ZNF730: variants seen among roughly 807,000 people sequenced by gnomAD.
The protein encoded by ZNF730 is zinc finger protein 730, also known as putative zinc finger protein 730.
ZNF730 carries 12 observed loss-of-function variants against 12.6 expected under a neutral mutation model. That is an observed-to-expected ratio of 0.95 (90% CI 0.61 to 1.54). The LOEUF is 1.54. Ranked by LOEUF, ZNF730 falls within the 40% of genes most tolerant of loss-of-function variation. The probability of loss-of-function intolerance (pLI) is 0.00; values close to 1 mark genes in which losing one functional copy is unlikely to be tolerated. For synonymous variants in ZNF730, 194 were observed against 195.8 expected (o/e 0.99, Z 0.08); for missense variants, 643 against 583.5 (o/e 1.10, Z -1.05).
At chr19:23,087,465 TGA>T (rs1466743192) in intron 1 of ZNF730, among the ~76,000 whole-genome samples, 2 of 152,176 alleles carry the variant, frequency 1.3e-5, no homozygotes, top group Non-Finnish European at 2.9e-5. Context: ...TTTTGTATTC[TGA>T]GAGTTTGCCA....
chr19:23,086,727 C>T (rs905217070), intron 1 of ZNF730, among the ~76,000 whole-genome samples: 1 of 152,162 alleles, frequency 6.6e-6, no homozygotes, highest in Admixed American at 6.5e-5. Context: ...GTGATGCCTC[C>T]AGCTTTGCTA....
At chr19:23,111,415 A>C (rs1352341637) in intron 1 of ZNF730, among the ~76,000 whole-genome samples, 1 of 152,202 alleles carries the variant, frequency 6.6e-6, no homozygotes, top group African/African-American at 2.4e-5. Context: ...TTCAGTGATA[A>C]AGATACTTAT....
In ZNF730 at chr19:23,101,660, C is replaced by T. The variant is rs143423248; in HGVS notation, c.-94+26273C>T. Among the ~76,000 whole-genome samples the T allele has an allele frequency of 3.3e-3, 510 of 152,286 alleles. 3 individuals carry two copies. Among genetic ancestry groups the T allele is most frequent in the African/African-American group, 0.012 (492 of 41,560 alleles). ...TCTCCGCTCACTGCAACCTCTGCCT[C>T]CCAGGTTCAAGTGATTCTTCTGCCT... On this transcript the variant is annotated intron_variant, in intron 1 of 2. Coordinates refer to the ZNF730 transcript ENST00000593635.
At chr19:23,141,448 T>C (rs777097302) in intron 3 of ZNF730, among the ~76,000 whole-genome samples, 2 of 152,098 alleles carry the variant, frequency 1.3e-5, no homozygotes, top group Non-Finnish European at 2.9e-5. Flanking sequence ...GCACCTGTTA[T>C]CCCAGCTACT....
Position 23,147,016 on chromosome 19 carries a change from G to T in ZNF730, c.*460G>T. 1 of 306,948 alleles carries T rather than the reference G, an allele frequency of 3.3e-6. No homozygotes were observed. The highest frequency in any genetic ancestry group is 6.2e-6 in the Non-Finnish European group (1 of 160,446). The allele number at this position is 306,948 out of a possible 1,614,324, so 19.0% of individuals were successfully genotyped here. On this transcript the variant is annotated 3_prime_UTR_variant, in exon 4 of 4. Transcript: ENST00000597761. ...CATTAAATTGTTGTCACATTTAATT[G>T]TAGGTAAGGTGATTCATACTGGAGA...
chr19:23,089,084 C>G (rs546601484), intron 1 of ZNF730, among the ~76,000 whole-genome samples: 1 of 152,098 alleles, frequency 6.6e-6, no homozygotes, highest in East Asian at 1.9e-4. Flanking sequence ...GTTGGTCAGG[C>G]TGGTCTCGAA....
At chr19:23,097,025 G>C (rs1160277951) in intron 1 of ZNF730, among the ~76,000 whole-genome samples, 1 of 152,156 alleles carries the variant, frequency 6.6e-6, no homozygotes, top group Non-Finnish European at 1.5e-5. Context: ...TGAGTCCAAT[G>C]CCTATGGGAT....
rs1368329668 is a variant in ZNF730 at position 23,145,468 on chromosome 19, A to T, written c.424A>T (p.Ser142Cys). 1 of 1,570,532 alleles carries T rather than the reference A, an allele frequency of 6.4e-7. No homozygotes were observed. The highest frequency in any genetic ancestry group is 1.9e-5 in the Admixed American group (1 of 52,514). The change falls in exon 4 of 4, where the codon AGC becomes TGC. Residue 142 changes from serine (S) to cysteine (C), a missense_variant. Coordinates refer to ENST00000597761, the MANE Select transcript of ZNF730 (RefSeq NM_001277403.2). ...TAACCAGTGTTTGACAACTTCCCAT[A>T]GCAAAATATTTCAGTGTGACAAATA... The part of the protein sequence containing the change: ...RHNQCLTTSH[S>C]KIFQCDKYVK...
upstream of ZNF730, among the ~76,000 whole-genome samples, chr19:23,113,938 A>G (rs889508800): frequency 9.9e-5 from 15 of 152,206 alleles, no homozygotes; most frequent in Non-Finnish European, 2.2e-4. Context: ...AGTTTGGTCA[A>G]TAAGTTTTTT....
At chr19:23,112,800 A>C (rs1201329815), upstream of ZNF730, among the ~76,000 whole-genome samples, 2 of 152,092 alleles carry the variant, frequency 1.3e-5, no homozygotes, top group Admixed American at 1.3e-4. Flanking sequence ...TTGTTGTCTC[A>C]TCAGAAACAG....
rs578124827 is a variant in ZNF730 at position 23,079,154 on chromosome 19, A to G, written c.-94+3767A>G. Among the ~76,000 whole-genome samples the G allele has an allele frequency of 2.3e-3, 343 of 151,784 alleles. 2 individuals carry two copies. Among genetic ancestry groups the G allele is most frequent in the Non-Finnish European group, 4.1e-3 (279 of 67,936 alleles). On this transcript the variant is annotated intron_variant, in intron 1 of 2. Transcript: ENST00000593635. The stretch of plus-strand genomic sequence containing the variant: ...GTTGTCCCTGCTTTGTTTATGACAC[A>G]ATTTTTTCTAGGTTTTCAATAAGGC...
intron 1 of ZNF730, among the ~76,000 whole-genome samples, chr19:23,105,397 G>A (rs1970381857): frequency 6.6e-6 from 1 of 152,070 alleles, no homozygotes; most frequent in East Asian, 1.9e-4. Context: ...ACAGGCGTGA[G>A]CTACCATGCC....
At chr19:23,115,150 A>C (rs1035814933), upstream of ZNF730, among the ~76,000 whole-genome samples, 27 of 142,254 alleles carry the variant, frequency 1.9e-4, no homozygotes, top group Admixed American at 1.5e-3. Context: ...AAAAAAAAAA[A>C]CTGTCTTCTT....
At chr19:23,114,426 C>T (rs891192293), upstream of ZNF730, among the ~76,000 whole-genome samples, 23 of 149,780 alleles carry the variant, frequency 1.5e-4, no homozygotes, top group Admixed American at 1.4e-3. Context: ...CCTGCCTCAG[C>T]CTCCCCAGTA....
At chr19:23,082,256 AATT>A (rs1267670946) in intron 1 of ZNF730, among the ~76,000 whole-genome samples, 1 of 152,030 alleles carries the variant, frequency 6.6e-6, no homozygotes, top group Non-Finnish European at 1.5e-5. Context: ...GTATGAGTAA[AATT>A]ATGAGATCAT....
At position 23,145,086 on chromosome 19, in the gene ZNF730, C is replaced by T. The variant is rs1970982757; in HGVS notation, c.227-185C>T. Among the ~76,000 whole-genome samples the T allele has an allele frequency of 3.3e-5, 5 of 152,146 alleles. No individual in the cohort carries two copies. The South Asian group carries it at 1.0e-3, about 32-fold the overall frequency. On this transcript the variant is annotated intron_variant, in intron 3 of 3. Transcript: ENST00000597761. ...GTGTTCACCTGGGGCACTGTACACA[C>T]TCAACTTACTTTTTTACAAATGTAC...
At chr19:23,133,987 C>T (rs1970781771) in intron 1 of ZNF730, 93 bp from the exon 2 acceptor site, 2 of 1,501,470 alleles carry the variant, frequency 1.3e-6, no homozygotes, top group Non-Finnish European at 1.8e-6. Flanking sequence ...TAAGTAAGAC[C>T]CAATTATATT....
At chr19:23,085,178 C>T (rs1383682562) in intron 1 of ZNF730, among the ~76,000 whole-genome samples, 2 of 152,088 alleles carry the variant, frequency 1.3e-5, no homozygotes, top group African/African-American at 4.8e-5. Flanking sequence ...GATGGTATCT[C>T]ATTGTGGTTT....
At chr19:23,134,447 G>A (rs961646421) in intron 2 of ZNF730, among the ~76,000 whole-genome samples, 1 of 143,176 alleles carries the variant, frequency 7.0e-6, no homozygotes, top group South Asian at 2.3e-4. Context: ...AGGGGGGTCG[G>A]CCAGCCGCCC....
Sources: allele counts gnomAD v4.1 joint callset (sites outside exome capture counted in the v4.1 genomes callset), GRCh38; gene constraint gnomAD v4.1.1; transcripts MANE v1.5; gene names NCBI Gene and HGNC (gene_info 2026-07-23, HGNC 2026-07-21).